Variants in PEAK1 observed in about 807,000 individuals in gnomAD.
The protein encoded by PEAK1 is pseudopodium enriched atypical kinase 1, also known as inactive tyrosine-protein kinase PEAK1.
A neutral mutation model predicts 124.7 loss-of-function variants in PEAK1; 54 were observed. The ratio of observed to expected loss-of-function variants is 0.43; its 90% CI spans 0.35 to 0.54. The LOEUF (loss-of-function observed/expected upper bound fraction) is 0.54. Ranked by LOEUF, PEAK1 falls within the 20% of genes least tolerant of loss-of-function variation. PEAK1 has a pLI of 0.01. For synonymous variants in PEAK1, 719 were observed against 760.0 expected (o/e 0.95, Z 0.89); for missense variants, 2,046 against 2,134.5 (o/e 0.96, Z 0.82).
chr15:77,376,000 A>AAAATAAAT (rs199883070), intron 1 of PEAK1, among the ~76,000 whole-genome samples: 2,904 of 145,350 alleles, frequency 0.02, 55 homozygotes, highest in East Asian at 0.083. Context: ...CTCCGTCTCA[A>AAAATAAAT]AAATAAATAA....
At chr15:77,374,989 G>A (rs991166225) in intron 1 of PEAK1, among the ~76,000 whole-genome samples, 4 of 151,974 alleles carry the variant, frequency 2.6e-5, no homozygotes, top group African/African-American at 9.7e-5. Flanking sequence ...GAAAAGAGGA[G>A]AAAAATTAAA....
chr15:77,132,624 G>GGCGGAGGTT (rs777027814), intron 9 of PEAK1, among the ~76,000 whole-genome samples: 1 of 151,534 alleles, frequency 6.6e-6, no homozygotes, highest in Non-Finnish European at 1.5e-5. Context: ...GAACCTGGGA[G>GGCGGAGGTT]GCGGAGGTTG....
Position 77,351,818 on chromosome 15 carries a change from G to T in PEAK1, c.-603+13345C>A, listed in dbSNP as rs16968796. The T allele has an allele frequency of 2.3e-3, 2,312 of 985,412 alleles. 50 individuals are homozygous for T. In the African/African-American group the frequency reaches 0.037, roughly 16 times the overall value. 61.0% of individuals were successfully genotyped at this position (985,412 alleles called of 1,614,324 possible). ...GAGCACTGAAAAGTTTTGAACACGG[G>T]TGTGGTAACAGTTTGAGTTTTAGAC... On this transcript the variant is annotated intron_variant, in intron 2 of 9. Transcript: ENST00000682557.
At chr15:77,293,435 A>G (rs2063325919) in intron 2 of PEAK1, among the ~76,000 whole-genome samples, 1 of 152,090 alleles carries the variant, frequency 6.6e-6, no homozygotes, top group Non-Finnish European at 1.5e-5. Context: ...ACAGTAATCT[A>G]TTTCCCCCTC....
intron 2 of PEAK1, among the ~76,000 whole-genome samples, chr15:77,354,683 G>A (rs974649275): frequency 1.3e-5 from 2 of 152,140 alleles, no homozygotes; most frequent in Non-Finnish European, 2.9e-5. Flanking sequence ...TCTCTGCCTA[G>A]AAAGTGTTGT....
chr15:77,326,908 T>A (rs550615277), intron 2 of PEAK1, among the ~76,000 whole-genome samples: 1 of 152,228 alleles, frequency 6.6e-6, no homozygotes, highest in Non-Finnish European at 1.5e-5. Flanking sequence ...AAATTAAGTT[T>A]AGCAAGGTAA....
chr15:77,177,301 G>A (rs11630770), intron 7 of PEAK1, among the ~76,000 whole-genome samples: 15,697 of 152,036 alleles, frequency 0.1, 1,021 homozygotes, highest in Middle Eastern at 0.2. Context: ...TTCTGTCATT[G>A]AATACCTTAC....
intron 6 of PEAK1, among the ~76,000 whole-genome samples, chr15:77,251,078 T>TCAC (rs2060859065): frequency 6.6e-6 from 1 of 152,198 alleles, no homozygotes; most frequent in Non-Finnish European, 1.5e-5. Flanking sequence ...TCATACCCAT[T>TCAC]CACTATCAAG....
chr15:77,180,674 G>A lies in PEAK1; in HGVS notation c.1253C>T (p.Ala418Val). 1 of 1,614,170 alleles carries A rather than the reference G, an allele frequency of 6.2e-7. No individual in the cohort carries two copies. Among genetic ancestry groups the A allele is most frequent in the Non-Finnish European group, 8.5e-7 (1 of 1,180,014 alleles). Reference sequence around the variant, plus strand: ...GCCATCTTTCTCTTCTAATCGGAGAGCAAGGACTGCTTTGTGGGTCTCTGG... The same window carrying A: ...GCCATCTTTCTCTTCTAATCGGAGAACAAGGACTGCTTTGTGGGTCTCTGG... ...KVPETHKAVL[A>V]LRLEEKDGKI... The change falls in exon 7 of 10, where the codon GCT (alanine) becomes GTT (valine). Residue 418 changes from alanine (A) to valine (V), a missense_variant. Ala to Val is a moderately conservative substitution (Grantham distance 64). Coordinates refer to ENST00000682557, the MANE Select transcript of PEAK1 (RefSeq NM_001385026.1).
downstream of PEAK1, chr15:77,103,851 G>C (rs1325433250): frequency 6.6e-6 from 1 of 152,282 alleles, no homozygotes; most frequent in Non-Finnish European, 1.5e-5. Context: ...GCCTTGTGTT[G>C]GCCTGGCGAT....
intron 6 of PEAK1, among the ~76,000 whole-genome samples, chr15:77,207,747 T>C (rs1479836900): frequency 6.6e-6 from 1 of 152,204 alleles, no homozygotes; most frequent in African/African-American, 2.4e-5. Context: ...GATACTATAA[T>C]GGTGGATACA....
At chr15:77,362,111 A>C (rs1443040417) in intron 2 of PEAK1, among the ~76,000 whole-genome samples, 1 of 152,170 alleles carries the variant, frequency 6.6e-6, no homozygotes, top group Non-Finnish European at 1.5e-5. Context: ...ATACCACAGT[A>C]AGATGACCAT....
intron 1 of PEAK1, chr15:77,417,936 TTAAA>T: frequency 1.0e-6 from 1 of 976,004 alleles, no homozygotes; most frequent in Non-Finnish European, 1.2e-6. Flanking sequence ...GCTCTCAGAC[TTAAA>T]TATTTACATT....
chr15:77,417,289 G>C, intron 1 of PEAK1: 1 of 923,646 alleles, frequency 1.1e-6, no homozygotes, highest in Non-Finnish European at 1.3e-6. Flanking sequence ...GCACTTAAAA[G>C]GTACTCAAAC....
chr15:77,304,442 A>AT (rs71145812), intron 2 of PEAK1, among the ~76,000 whole-genome samples: 22,370 of 86,484 alleles, frequency 0.26, 4,165 homozygotes, highest in Non-Finnish European at 0.32. Flanking sequence ...TCCTGTATAC[A>AT]TTTTTTTTTT....
chr15:77,244,115 G>A (rs1166022137), intron 6 of PEAK1, among the ~76,000 whole-genome samples: 1 of 152,108 alleles, frequency 6.6e-6, no homozygotes, highest in East Asian at 1.9e-4. Flanking sequence ...ACAGAGTTTG[G>A]TAGTCTTAAA....
chr15:77,350,571 T>C (rs79878983), intron 2 of PEAK1: 32,953 of 973,392 alleles, frequency 0.034, 590 homozygotes, highest in Non-Finnish European at 0.037. Flanking sequence ...TATAATTAGA[T>C]AGGCAAAATA....
intron 2 of PEAK1, among the ~76,000 whole-genome samples, chr15:77,344,219 T>C (rs1458903718): frequency 3.9e-5 from 6 of 152,144 alleles, no homozygotes; most frequent in Admixed American, 3.9e-4. Context: ...CTCAGCCTTC[T>C]GAGTAGTTGG....
chr15:77,166,565 C>CG lies in PEAK1; in HGVS notation c.3138-7870dup, dbSNP rs111783609. Among the ~76,000 whole-genome samples, 197 of 152,206 alleles carry CG rather than the reference C, an allele frequency of 1.3e-3. 2 individuals are homozygous for CG. Among genetic ancestry groups the CG allele is most frequent in the African/African-American group, 4.1e-3 (170 of 41,528 alleles). ...TCTCCAGACATTGTCAAATGTGCCC[C>CG]GGGGGGGAATCCCATCCCCCTTTAA... On this transcript the variant is annotated intron_variant, in intron 7 of 9. Transcript: ENST00000682557.
Sources: allele counts gnomAD v4.1 joint callset (sites outside exome capture counted in the v4.1 genomes callset), GRCh38; gene constraint gnomAD v4.1.1; transcripts MANE v1.5; gene names NCBI Gene and HGNC (gene_info 2026-07-23, HGNC 2026-07-21).